Variants in MAGI1 observed in about 807,000 individuals in gnomAD.
MAGI1 encodes the protein membrane-associated guanylate kinase, WW and PDZ domain-containing protein 1.
MAGI1 carries 58 observed loss-of-function variants against 139.9 expected under a neutral mutation model. That is an observed-to-expected ratio of 0.41 (90% CI 0.34 to 0.52). The LOEUF (loss-of-function observed/expected upper bound fraction) is 0.52, where lower values mean the gene tolerates loss of function less well. Among genes scored for constraint, MAGI1 ranks in the 20% least tolerant of loss-of-function variants. The pLI is 0.12. For missense variants in MAGI1, 1,874 were observed against 1,901.6 expected (o/e 0.99, Z 0.27); for synonymous variants, 812 against 737.9 (o/e 1.10, Z -1.63).
chr3:65,590,549 G>A (rs931397185), intron 2 of MAGI1, among the ~76,000 whole-genome samples: 5 of 152,166 alleles, frequency 3.3e-5, no homozygotes, highest in African/African-American at 9.7e-5. Flanking sequence ...TTCTGAGGAT[G>A]ATATAATTCA....
At chr3:65,933,798 G>A (rs1299105441) in intron 1 of MAGI1, among the ~76,000 whole-genome samples, 1 of 152,162 alleles carries the variant, frequency 6.6e-6, no homozygotes, top group African/African-American at 2.4e-5. Context: ...ATCATCATAT[G>A]TATGCACAGC....
At chr3:65,597,967 G>T (rs2082305177) in intron 2 of MAGI1, 1 of 453,004 alleles carries the variant, frequency 2.2e-6, no homozygotes, top group Admixed American at 2.4e-5. Flanking sequence ...GAGAGCTGGG[G>T]GCGCCTCGGC....
intron 3 of MAGI1, among the ~76,000 whole-genome samples, chr3:65,483,978 A>C (rs1327914067): frequency 1.3e-5 from 2 of 152,228 alleles, no homozygotes; most frequent in African/African-American, 4.8e-5. Flanking sequence ...TGGCTTTCAA[A>C]TTATACAAAT....
intron 18 of MAGI1, among the ~76,000 whole-genome samples, chr3:65,367,674 A>T (rs1216669949): frequency 6.6e-6 from 1 of 152,238 alleles, no homozygotes; most frequent in Admixed American, 6.5e-5. Flanking sequence ...GGTGTAGAAA[A>T]TGTAGGTAAT....
chr3:65,661,166 T>C (rs967014117), intron 1 of MAGI1, among the ~76,000 whole-genome samples: 15 of 152,172 alleles, frequency 9.9e-5, no homozygotes, highest in African/African-American at 3.6e-4. Context: ...ACTAGATTAA[T>C]TGTGAGTATA....
intron 1 of MAGI1, among the ~76,000 whole-genome samples, chr3:65,953,834 A>T (rs1036594435): frequency 5.3e-5 from 8 of 152,218 alleles, no homozygotes; most frequent in African/African-American, 1.9e-4. Context: ...ATTTATCTAG[A>T]AAGGCAATGT....
At chr3:65,474,542 C>T (rs937081635) in intron 4 of MAGI1, among the ~76,000 whole-genome samples, 2 of 151,992 alleles carry the variant, frequency 1.3e-5, no homozygotes, top group Non-Finnish European at 2.9e-5. Context: ...ACATAAAAAT[C>T]GTTTGTAAAA....
intron 1 of MAGI1, among the ~76,000 whole-genome samples, chr3:65,689,053 T>C (rs1446966944): frequency 6.6e-6 from 1 of 152,196 alleles, no homozygotes; most frequent in Non-Finnish European, 1.5e-5. Context: ...AATGAGATGT[T>C]AAGTCACTAA....
At chr3:65,935,115 T>A (rs1382027672) in intron 1 of MAGI1, among the ~76,000 whole-genome samples, 1 of 152,130 alleles carries the variant, frequency 6.6e-6, no homozygotes, top group Non-Finnish European at 1.5e-5. Flanking sequence ...AAAGGAAGAA[T>A]ATCCTTAGTA....
intron 1 of MAGI1, among the ~76,000 whole-genome samples, chr3:65,915,294 T>A (rs550103070): frequency 6.6e-6 from 1 of 152,350 alleles, no homozygotes; most frequent in East Asian, 1.9e-4. Context: ...TTCTGTTAAA[T>A]ATTTTTAAAT....
chr3:65,721,561 T>C (rs1338506865), intron 1 of MAGI1, among the ~76,000 whole-genome samples: 3 of 152,230 alleles, frequency 2.0e-5, no homozygotes, highest in Non-Finnish European at 4.4e-5. Context: ...CTTATTTTGG[T>C]AGACAAAACT....
At chr3:65,840,157 T>C (rs2058756800) in intron 1 of MAGI1, among the ~76,000 whole-genome samples, 1 of 152,110 alleles carries the variant, frequency 6.6e-6, no homozygotes, top group African/African-American at 2.4e-5. Context: ...GATTTTTTTT[T>C]TTTTTGGTAG....
intron 1 of MAGI1, among the ~76,000 whole-genome samples, chr3:65,905,699 ACAGACTTTG>A (rs1413476671): frequency 6.6e-6 from 1 of 152,144 alleles, no homozygotes; most frequent in Non-Finnish European, 1.5e-5. Flanking sequence ...GTTAACAAAA[ACAGACTTTG>A]CACCTCAGCT....
intron 12 of MAGI1, among the ~76,000 whole-genome samples, chr3:65,416,082 C>G (rs76234656): frequency 6.6e-5 from 10 of 152,082 alleles, no homozygotes; most frequent in African/African-American, 2.2e-4. Context: ...TACCTAAGAG[C>G]GTGTAGACCT....
chr3:65,543,811 T>G (rs1184817244), intron 2 of MAGI1, among the ~76,000 whole-genome samples: 2 of 151,894 alleles, frequency 1.3e-5, no homozygotes, highest in Non-Finnish European at 2.9e-5. Flanking sequence ...AGATGATGGG[T>G]TGATGGGTGC....
chr3:65,672,833 C>A (rs2086945325), intron 1 of MAGI1, among the ~76,000 whole-genome samples: 2 of 152,100 alleles, frequency 1.3e-5, no homozygotes, highest in African/African-American at 4.8e-5. Flanking sequence ...GGGCCCTAAC[C>A]ACTATTAAAG....
At chr3:65,480,094 G>T (rs1575936252) in intron 3 of MAGI1, among the ~76,000 whole-genome samples, 1 of 150,512 alleles carries the variant, frequency 6.6e-6, no homozygotes, top group Admixed American at 6.6e-5. Flanking sequence ...ATCTTCCTAA[G>T]GATCCAACCC....
chr3:65,855,231 G>A (rs1024013365), intron 1 of MAGI1, among the ~76,000 whole-genome samples: 24 of 151,798 alleles, frequency 1.6e-4, no homozygotes, highest in African/African-American at 4.8e-4. Context: ...AGAAAAAAAG[G>A]CCTGTGAAAT....
At chr3:65,782,201 C>A (rs1256870573) in intron 1 of MAGI1, among the ~76,000 whole-genome samples, 1 of 152,124 alleles carries the variant, frequency 6.6e-6, no homozygotes, top group Non-Finnish European at 1.5e-5. Context: ...GAATTAAGGT[C>A]ACTAATTATG....
Sources: allele counts gnomAD v4.1 joint callset (sites outside exome capture counted in the v4.1 genomes callset), GRCh38; gene constraint gnomAD v4.1.1; transcripts MANE v1.5; gene names NCBI Gene and HGNC (gene_info 2026-07-23, HGNC 2026-07-21).